PPP2R5E: variants seen among roughly 807,000 people sequenced by gnomAD.
The protein encoded by PPP2R5E is serine/threonine-protein phosphatase 2A 56 kDa regulatory subunit epsilon isoform.
PPP2R5E carries 4 observed loss-of-function variants against 65.3 expected under a neutral mutation model. The ratio of observed to expected loss-of-function variants is 0.06; its 90% CI spans 0.03 to 0.14. The LOEUF (loss-of-function observed/expected upper bound fraction) is 0.14. Among genes scored for constraint, PPP2R5E ranks in the 10% least tolerant of loss-of-function variants. The pLI, the probability that PPP2R5E is intolerant of heterozygous loss-of-function variation, is 1.00. For synonymous variants in PPP2R5E, 183 were observed against 187.4 expected (o/e 0.98, Z 0.19); for missense variants, 274 against 556.1 (o/e 0.49, Z 5.10).
At chr14:63,467,573 C>G (rs1889900745) in intron 2 of PPP2R5E, among the ~76,000 whole-genome samples, 1 of 152,126 alleles carries the variant, frequency 6.6e-6, no homozygotes, top group Non-Finnish European at 1.5e-5. Flanking sequence ...AAGAGTTGAC[C>G]TTAATAAGTA....
At chr14:63,452,734 T>C (rs1468597755) in intron 3 of PPP2R5E, 3 of 152,222 alleles carry the variant, frequency 2.0e-5, no homozygotes, top group Non-Finnish European at 4.4e-5. Context: ...CCTTTGCAAA[T>C]CTGAACTATC....
chr14:63,425,678 C>A, intron 3 of PPP2R5E, among the ~76,000 whole-genome samples: 1 of 152,216 alleles, frequency 6.6e-6, no homozygotes. Flanking sequence ...GAATATACAA[C>A]ACATTTGTCT....
At chr14:63,448,722 G>C (rs1888644075) in intron 3 of PPP2R5E, among the ~76,000 whole-genome samples, 1 of 151,288 alleles carries the variant, frequency 6.6e-6, no homozygotes, top group Non-Finnish European at 1.5e-5. Context: ...CCCGGAGGCG[G>C]GAGGTTGCAG....
chr14:63,540,565 A>T (rs1479816612), intron 1 of PPP2R5E, among the ~76,000 whole-genome samples: 147 of 151,146 alleles, frequency 9.7e-4, no homozygotes, highest in Non-Finnish European at 1.7e-3. Context: ...AAAAAAAAAA[A>T]TACAAAAATT....
chr14:63,413,867 C>A (rs1886542649), intron 5 of PPP2R5E, among the ~76,000 whole-genome samples: 1 of 152,194 alleles, frequency 6.6e-6, no homozygotes, highest in East Asian at 1.9e-4. Flanking sequence ...CCAGGATTCA[C>A]CAGTGTGGTA....
At chr14:63,379,826 C>CTCTTTTTTTTT (rs528081976) in intron 13 of PPP2R5E, among the ~76,000 whole-genome samples, 4 of 100,300 alleles carry the variant, frequency 4.0e-5, no homozygotes, top group African/African-American at 2.1e-4. Flanking sequence ...TATTCTCTCT[C>CTCTTTTTTTTT]TTTTTTTTTT....
chr14:63,378,911 A>G (rs932755347), intron 13 of PPP2R5E, among the ~76,000 whole-genome samples: 6 of 152,070 alleles, frequency 3.9e-5, no homozygotes, highest in African/African-American at 1.4e-4. Context: ...TACCAACTAA[A>G]TTTCTTCATT....
intron 2 of PPP2R5E, among the ~76,000 whole-genome samples, chr14:63,522,268 T>G (rs868834366): frequency 0.024 from 3,673 of 152,024 alleles, 151 homozygotes; most frequent in African/African-American, 0.084. Flanking sequence ...CAGGCTGGAG[T>G]GCAGTGGCGT....
rs1157088223 is a variant in PPP2R5E, at chr14:63,470,717, A to G, written c.158-16832T>C. Among the ~76,000 whole-genome samples, 4 of 134,018 alleles carry G rather than the reference A, an allele frequency of 3.0e-5. No homozygotes were observed. The East Asian group carries it at 8.7e-4, about 29-fold the overall frequency. The allele number at this position is 134,018 out of a possible 152,430, so 87.9% of individuals were successfully genotyped here. ...GGATCATAAAAACAAGCCTTTATCAACAGATTAAAAAAAAAAAAAAACGTG... is the reference window on the plus strand; with the variant it reads ...GGATCATAAAAACAAGCCTTTATCAGCAGATTAAAAAAAAAAAAAAACGTG... On this transcript the variant is annotated intron_variant, in intron 2 of 13. Transcript: ENST00000337537.
At chr14:63,505,950 T>C (rs757194952) in intron 2 of PPP2R5E, among the ~76,000 whole-genome samples, 8 of 152,116 alleles carry the variant, frequency 5.3e-5, no homozygotes, top group Non-Finnish European at 1.2e-4. Flanking sequence ...ATCACAACGT[T>C]GTGTAAAGTC....
At chr14:63,478,525 T>C (rs1890523275) in intron 2 of PPP2R5E, among the ~76,000 whole-genome samples, 1 of 152,100 alleles carries the variant, frequency 6.6e-6, no homozygotes, top group Non-Finnish European at 1.5e-5. Context: ...AACTGGATTC[T>C]CAAAACCCAC....
intron 2 of PPP2R5E, among the ~76,000 whole-genome samples, chr14:63,457,699 A>T (rs1329070359): frequency 6.6e-6 from 1 of 152,194 alleles, no homozygotes; most frequent in African/African-American, 2.4e-5. Flanking sequence ...ATAAATAATG[A>T]GCAATCAATA....
At position 63,429,647 on chromosome 14, in the gene PPP2R5E, C is replaced by T. The variant is rs532914508; in HGVS notation, c.355-7553G>A. 4.6e-5 allele frequency among the ~76,000 whole-genome samples: 7 copies of T among 151,960 alleles called. 1 individual carries two copies. In the South Asian group the frequency reaches 6.2e-4, roughly 14 times the overall value. On this transcript the variant is annotated intron_variant, in intron 3 of 13. Transcript: ENST00000337537. ...GTAAATGCAATGCTGTCACTTAGGT[C>T]ATCATGGTTTTTTGTTTGTTTGTTT...
chr14:63,439,866 C>T (rs552370498), intron 3 of PPP2R5E, among the ~76,000 whole-genome samples: 1 of 152,318 alleles, frequency 6.6e-6, no homozygotes, highest in South Asian at 2.1e-4. Flanking sequence ...CTTGGCAGCT[C>T]GCATAGCTTG....
intron 2 of PPP2R5E, among the ~76,000 whole-genome samples, chr14:63,471,500 C>T (rs1224383923): frequency 6.6e-6 from 1 of 152,214 alleles, no homozygotes; most frequent in Non-Finnish European, 1.5e-5. Flanking sequence ...GTCATCCCTT[C>T]CCAGTCATAT....
chr14:63,391,732 C>T (rs759935764), intron 10 of PPP2R5E, 85 bp downstream of exon 10: 8 of 1,434,924 alleles, frequency 5.6e-6, no homozygotes, highest in South Asian at 1.2e-5. Context: ...CCTGATGATG[C>T]GGTTTTATAC....
intron 4 of PPP2R5E, among the ~76,000 whole-genome samples, chr14:63,418,966 C>T (rs1000501578): frequency 9.9e-5 from 15 of 151,618 alleles, no homozygotes; most frequent in African/African-American, 3.4e-4. Flanking sequence ...CGTGCCTCAG[C>T]CTCCCAAGTA....
rs1020137801 is a variant in PPP2R5E, at chr14:63,373,405, C to T, written c.*2604G>A. On this transcript the variant is annotated 3_prime_UTR_variant, in exon 14 of 14. Coordinates refer to ENST00000337537, the MANE Select transcript of PPP2R5E (RefSeq NM_006246.5). ...AGGGCTGCTGCAAATGCAGCAAGTA[C>T]GTCCTGAAATATGTCACATAGTGCA... 3 of 152,184 alleles carry T rather than the reference C, an allele frequency of 2.0e-5. No individual in the cohort carries two copies. Among genetic ancestry groups the T allele is most frequent in the Admixed American group, 6.5e-5 (1 of 15,270 alleles). 9.4% of individuals were successfully genotyped at this position (152,184 alleles called of 1,614,324 possible). A position where few individuals can be genotyped will look rare whatever the true frequency, so the allele number is the denominator to read the frequency against.
chr14:63,442,176 T>G (rs2139435705), intron 3 of PPP2R5E, among the ~76,000 whole-genome samples: 1 of 152,288 alleles, frequency 6.6e-6, no homozygotes, highest in East Asian at 1.9e-4. Flanking sequence ...CAAATGTCTT[T>G]GGGAGATCTC....
Sources: allele counts gnomAD v4.1 joint callset (sites outside exome capture counted in the v4.1 genomes callset), GRCh38; gene constraint gnomAD v4.1.1; transcripts MANE v1.5; gene names NCBI Gene and HGNC (gene_info 2026-07-23, HGNC 2026-07-21).